FBLN5: variants seen among roughly 807,000 people sequenced by gnomAD.
FBLN5 encodes the protein fibulin 5.
FBLN5 carries 24 observed loss-of-function variants against 61.6 expected under a neutral mutation model. The observed-to-expected ratio is 0.39, with a 90% CI of 0.28 to 0.55. The LOEUF is 0.55. Ranked by LOEUF, FBLN5 falls within the 20% of genes least tolerant of loss-of-function variation. FBLN5 has a pLI of 0.65. For synonymous variants in FBLN5, 213 were observed against 219.8 expected (o/e 0.97, Z 0.27); for missense variants, 470 against 594.1 (o/e 0.79, Z 2.17).
chr14:91,935,679 T>C (rs2056002345), intron 4 of FBLN5, among the ~76,000 whole-genome samples: 1 of 152,178 alleles, frequency 6.6e-6, no homozygotes, highest in African/African-American at 2.4e-5. Context: ...TTCTACAAAA[T>C]GAAGAAGTTG....
Position 91,870,250 on chromosome 14 carries a change from T to C in FBLN5, c.1321A>G (p.Ile441Val). Residue 441 changes from isoleucine (I) to valine (V), a missense_variant, in exon 11 of 11, where the codon ATA (isoleucine) becomes GTA (valine). Transcript: ENST00000342058. ...FRGSSVIRLR[I>V]YVSQYPF ...CAGAATGGGTACTGCGACACATATA[T>C]CCGCAGTCGGATCACGGAGCTGCCT... 6.2e-7 allele frequency: 1 copy of C among 1,614,198 alleles called. No individual in the cohort carries two copies. Among genetic ancestry groups the C allele is most frequent in the Non-Finnish European group, 8.5e-7 (1 of 1,180,010 alleles).
chr14:91,873,226 G>A (rs1315262549), intron 10 of FBLN5, among the ~76,000 whole-genome samples: 3 of 152,210 alleles, frequency 2.0e-5, no homozygotes, highest in Non-Finnish European at 4.4e-5. Flanking sequence ...CTGAGAGCCC[G>A]TGGGCATTAG....
At chr14:91,890,887 G>A (rs1299887524) in intron 6 of FBLN5, among the ~76,000 whole-genome samples, 1 of 152,184 alleles carries the variant, frequency 6.6e-6, no homozygotes, top group East Asian at 1.9e-4. Context: ...TAGGCTACAG[G>A]ACATGCAACC....
intron 4 of FBLN5, among the ~76,000 whole-genome samples, chr14:91,929,747 T>C (rs572220886): frequency 6.6e-6 from 1 of 152,302 alleles, no homozygotes; most frequent in Admixed American, 6.5e-5. Flanking sequence ...TGTCGAAAAA[T>C]AGACAGATGA....
chr14:91,904,121 C>T (rs558900063), intron 4 of FBLN5, among the ~76,000 whole-genome samples: 4 of 152,230 alleles, frequency 2.6e-5, no homozygotes, highest in South Asian at 2.1e-4. Flanking sequence ...CCACGTGCAT[C>T]GGAACCTCCA....
chr14:91,929,705 A>C (rs1216275970), intron 4 of FBLN5, among the ~76,000 whole-genome samples: 2 of 152,236 alleles, frequency 1.3e-5, no homozygotes, highest in Non-Finnish European at 2.9e-5. Context: ...CATGAAAAAA[A>C]TAAACCTTCT....
intron 4 of FBLN5, among the ~76,000 whole-genome samples, chr14:91,907,941 C>A (rs1382551865): frequency 6.6e-6 from 1 of 151,926 alleles, no homozygotes; most frequent in East Asian, 1.9e-4. Context: ...TCAATCAGAA[C>A]AATTTGACTC....
intron 4 of FBLN5, among the ~76,000 whole-genome samples, chr14:91,912,809 CAAA>C (rs200501822): frequency 1.3e-4 from 12 of 93,020 alleles, no homozygotes; most frequent in African/African-American, 1.4e-4. Flanking sequence ...GACTCTGACT[CAAA>C]AAAAAAAAAA....
intron 4 of FBLN5, among the ~76,000 whole-genome samples, chr14:91,902,908 A>G (rs1196574350): frequency 2.6e-5 from 4 of 152,300 alleles, no homozygotes; most frequent in South Asian, 2.1e-4. Flanking sequence ...GATGGCCACA[A>G]TAGACATTGG....
rs761030748 is a variant in FBLN5 at position 91,877,688 on chromosome 14, G to A, written c.990-6C>T. ...CAGCAGGACACATACAGCGGCTGTG[G>A]AAAGGGAAATCACGTGAGAACTCAA... On this transcript the variant is annotated splice_polypyrimidine_tract_variant and splice_region_variant and intron_variant, in intron 9 of 10. Coordinates refer to ENST00000342058, the MANE Select transcript of FBLN5 (RefSeq NM_006329.4). 59 of 1,612,760 alleles carry A rather than the reference G, an allele frequency of 3.7e-5. No homozygotes were observed. Among genetic ancestry groups the A allele is most frequent in the Admixed American group, 1.0e-4 (6 of 60,014 alleles).
intron 4 of FBLN5, among the ~76,000 whole-genome samples, chr14:91,929,641 T>C (rs1488891510): frequency 1.3e-5 from 2 of 152,262 alleles, no homozygotes; most frequent in Non-Finnish European, 2.9e-5. Flanking sequence ...GTTTGTGTTT[T>C]GTTTTTAAAT....
intron 4 of FBLN5, among the ~76,000 whole-genome samples, chr14:91,936,084 T>TCAACAC (rs1235058381): frequency 6.6e-6 from 1 of 152,168 alleles, no homozygotes; most frequent in East Asian, 1.9e-4. Flanking sequence ...TAATAGTGGG[T>TCAACAC]TACAGCTCAA....
chr14:91,921,076 T>C (rs1428293822), intron 4 of FBLN5, among the ~76,000 whole-genome samples: 9 of 152,230 alleles, frequency 5.9e-5, no homozygotes. Flanking sequence ...CTTACCCAGA[T>C]GTCCTGCGGC....
chr14:91,923,531 C>T (rs1273131706), intron 4 of FBLN5, among the ~76,000 whole-genome samples: 1 of 152,232 alleles, frequency 6.6e-6, no homozygotes, highest in South Asian at 2.1e-4. Flanking sequence ...TCTGCCCATG[C>T]TGTTCCCTAA....
rs1421163197 is a variant in FBLN5, at chr14:91,943,784, G to C, written c.18-823C>G. ...AAAATCCCCCATCAGTGGATGGGTT[G>C]GGGTGGCCCTGTCCCCTGAAGAGTG... On this transcript the variant is annotated intron_variant, in intron 1 of 10. Coordinates refer to ENST00000342058, the MANE Select transcript of FBLN5 (RefSeq NM_006329.4). The surrounding 1 kb of genome is among the most constrained non-coding windows in gnomAD (Gnocchi z 4.0). Among the ~76,000 whole-genome samples, 1 of 152,180 alleles carries C rather than the reference G, an allele frequency of 6.6e-6. No homozygotes were observed. Among genetic ancestry groups the C allele is most frequent in the African/African-American group, 2.4e-5 (1 of 41,446 alleles).
rs2056133597 is a variant in FBLN5 at position 91,943,171 on chromosome 14, T to A, written c.18-210A>T. 6.6e-6 allele frequency among the ~76,000 whole-genome samples: 1 copy of A among 151,914 alleles called. No individual in the cohort carries two copies. The highest frequency in any genetic ancestry group is 2.4e-5 in the African/African-American group (1 of 41,358). On this transcript the variant is annotated intron_variant, in intron 1 of 10. Transcript: ENST00000342058. The surrounding 1 kb of genome is among the most constrained non-coding windows in gnomAD (Gnocchi z 4.0). ...CTACTTGCCTCCTGCATTGGGATCA[T>A]GTGTTAGATCACACTTTTTAATAAA...
intron 4 of FBLN5, among the ~76,000 whole-genome samples, chr14:91,926,300 G>T (rs1249252450): frequency 6.6e-6 from 1 of 152,212 alleles, no homozygotes; most frequent in Non-Finnish European, 1.5e-5. Context: ...AGGGCTGGCT[G>T]CTGGAGGGAG....
intron 9 of FBLN5, 24 bp from the exon 10 acceptor site, chr14:91,877,706 G>A (rs780782541): frequency 1.9e-5 from 31 of 1,598,806 alleles, no homozygotes; most frequent in Middle Eastern, 3.3e-4. Context: ...AATCACGTGA[G>A]AACTCAAGAA....
At chr14:91,940,399 C>A (rs1363059593) in intron 3 of FBLN5, among the ~76,000 whole-genome samples, 166 bp downstream of exon 3, 1 of 152,202 alleles carries the variant, frequency 6.6e-6, no homozygotes, top group Admixed American at 6.5e-5. Context: ...CAAGGCCAGG[C>A]ACAAAGAAGG....
Sources: gnomAD v4.1 joint callset for allele counts (sites outside exome capture counted in the v4.1 genomes callset) on GRCh38, gnomAD v4.1.1 for gene constraint, Gnocchi (gnomAD v3.1) non-coding constraint, MANE v1.5 for transcripts, NCBI Gene and HGNC (gene_info 2026-07-23, HGNC 2026-07-21) for gene names.